The following SFTPC variants were observed in gnomAD, a reference collection of about 807,000 sequenced individuals.
The protein encoded by SFTPC is surfactant protein C, also known as BRICHOS domain containing 6.
Under a neutral mutation model 19.9 loss-of-function variants are expected in SFTPC, and 12 were observed. The ratio of observed to expected loss-of-function variants is 0.60; its 90% confidence interval spans 0.39 to 0.98. SFTPC has a LOEUF of 0.98. Ranked by LOEUF, SFTPC falls within the 50% of genes least tolerant of loss-of-function variation. SFTPC has a pLI of 0.00. For synonymous variants in SFTPC, 123 were observed against 103.3 expected (o/e 1.19, Z -1.16); for missense variants, 219 against 252.2 (o/e 0.87, Z 0.89).
upstream of SFTPC, chr8:22,159,676 G>A: frequency 2.5e-6 from 2 of 788,790 alleles, no homozygotes; most frequent in South Asian, 2.8e-5. Context: ...CTTTTTCAAA[G>A]AAAGAGATCC....
At chr8:22,164,095 G>T in intron 5 of SFTPC, 36 bp downstream of exon 5, 1 of 1,610,746 alleles carries the variant, frequency 6.2e-7, no homozygotes, top group Non-Finnish European at 8.5e-7. Context: ...CAGCGGAGGA[G>T]CGCTCGGGCC....
At position 22,164,074 on chromosome 8, in the gene SFTPC, C is replaced by T; in HGVS notation, c.*18+15C>T. ...CCGGTGAGCAGGTGTGATCCCAGGG[C>T]CCCTGATCAGCAGCGGAGGAGCGCT... is the stretch of plus-strand genomic sequence containing the variant. On this transcript the variant is annotated intron_variant, in intron 5 of 5. Coordinates refer to ENST00000679463, the MANE Select transcript of SFTPC (RefSeq NM_001317778.2). 6.2e-7 allele frequency: 1 copy of T among 1,611,526 alleles called. No homozygotes were observed.
chr8:22,159,716 C>G, upstream of SFTPC: 1 of 1,199,800 alleles, frequency 8.3e-7, no homozygotes, highest in Non-Finnish European at 1.1e-6. Context: ...TGGCGGCAAA[C>G]CCCACCCACA....
At chr8:22,161,696 C>T, upstream of SFTPC, 1 of 1,607,584 alleles carries the variant, frequency 6.2e-7, no homozygotes, top group Non-Finnish European at 8.5e-7. Context: ...AACAAACAGG[C>T]TTCAAAGCCA....
At position 22,162,487 on chromosome 8, in the gene SFTPC, C is replaced by T. The variant is rs8192326; in HGVS notation, c.43-87C>T. ...CATCGGCTGTCCAGCCCTAGGCAGCCGTGGGAGGGTGTTCAGCTTGTATAG... is the reference window on the plus strand; with the variant it reads ...CATCGGCTGTCCAGCCCTAGGCAGCTGTGGGAGGGTGTTCAGCTTGTATAG... On this transcript the variant is annotated intron_variant, in intron 1 of 5. Transcript: ENST00000679463. 3.6e-3 allele frequency: 5,246 copies of T among 1,473,346 alleles called. 138 individuals are homozygous for T. In the African/African-American group the frequency reaches 0.063, roughly 18 times the overall value. The allele number at this position is 1,473,346 out of a possible 1,614,324, so 91.3% of individuals were successfully genotyped here.
intron 1 of SFTPC, 49 bp downstream of exon 1, chr8:22,161,919 G>A: frequency 6.4e-7 from 1 of 1,566,440 alleles, no homozygotes; most frequent in South Asian, 1.1e-5. Flanking sequence ...GCACATGTGT[G>A]TGATGGGCCC....
chr8:22,163,007 C>T (rs1827819983), intron 2 of SFTPC, 73 bp from the exon 3 acceptor site: 1 of 1,600,328 alleles, frequency 6.2e-7, no homozygotes, highest in Non-Finnish European at 8.5e-7. Flanking sequence ...GTACAGAGGC[C>T]TGAGTATGGG....
chr8:22,161,615 T>A, upstream of SFTPC: 1 of 1,479,290 alleles, frequency 6.8e-7, no homozygotes, highest in South Asian at 1.3e-5. Context: ...AGAGGACTCA[T>A]GTGCCAGGGC....
chr8:22,161,286 T>G (rs1827707011), upstream of SFTPC, among the ~76,000 whole-genome samples: 1 of 151,992 alleles, frequency 6.6e-6, no homozygotes, highest in Non-Finnish European at 1.5e-5. Context: ...AAATGCACAT[T>G]TATGAAACCC....
rs1275632800 is a variant in SFTPC at position 22,164,404 on chromosome 8, G to A, written c.*157G>A. The A allele has an allele frequency of 5.2e-6, 8 of 1,527,730 alleles. No homozygotes were observed. The highest frequency in any genetic ancestry group is 1.4e-5 in the African/African-American group (1 of 72,490). 94.6% of individuals were successfully genotyped at this position (1,527,730 alleles called of 1,614,324 possible). Reference sequence around the variant, plus strand: ...AAATGGGAGCTTGGGGAGAGGATGGGAGTGGGCAGAGGTGGCGCCCAGGGG... The same window carrying A: ...AAATGGGAGCTTGGGGAGAGGATGGAAGTGGGCAGAGGTGGCGCCCAGGGG... On this transcript the variant is annotated 3_prime_UTR_variant, in exon 6 of 6. Transcript: ENST00000679463.
chr8:22,162,989 G>T (rs138547826), intron 2 of SFTPC, 91 bp from the exon 3 acceptor site: 3 of 1,561,752 alleles, frequency 1.9e-6, no homozygotes, highest in Non-Finnish European at 2.6e-6. Flanking sequence ...AGAGGGAAGC[G>T]CATTTGAGTA....
intron 4 of SFTPC, 48 bp from the exon 5 acceptor site, chr8:22,163,853 T>A (rs759555760): frequency 9.8e-6 from 15 of 1,526,212 alleles, no homozygotes; most frequent in Admixed American, 5.0e-5. Flanking sequence ...GGGCTGCACA[T>A]GGGATAGAAA....
upstream of SFTPC, chr8:22,158,770 C>G (rs542383976): frequency 1.3e-5 from 2 of 152,318 alleles, no homozygotes; most frequent in South Asian, 4.1e-4. Flanking sequence ...CAGAGCTGGC[C>G]AGTGGAAGCA....
At chr8:22,161,993 C>T in intron 1 of SFTPC, 123 bp downstream of exon 1, 1 of 1,030,190 alleles carries the variant, frequency 9.7e-7, no homozygotes, top group Non-Finnish European at 1.5e-6. Flanking sequence ...TAACCTAGGA[C>T]TGTGATAAGT....
At position 22,162,593 on chromosome 8, in the gene SFTPC, G is replaced by A. The variant is rs371321234; in HGVS notation, c.62G>A (p.Arg21Gln). ...ESPPDYSAAPRGRFGIPCCPV... is the reference protein window; with the variant it reads ...ESPPDYSAAPQGRFGIPCCPV... ...TGTCAGGACTACTCCGCAGCTCCCC[G>A]GGGCCGATTTGGCATTCCCTGCTGC... The change falls in exon 2 of 6, where the codon CGG (arginine) becomes CAG (glutamine). Residue 21 changes from arginine to glutamine, a missense_variant. By Grantham distance (43) the Arg-to-Gln change is conservative. Coordinates refer to ENST00000679463, the MANE Select transcript of SFTPC (RefSeq NM_001317778.2). 3.5e-5 allele frequency: 56 copies of A among 1,613,852 alleles called. No individual in the cohort carries two copies. The highest frequency in any genetic ancestry group is 5.5e-5 in the South Asian group (5 of 91,070).
At chr8:22,159,847 C>T (rs1827643405), upstream of SFTPC, 2 of 1,289,296 alleles carry the variant, frequency 1.6e-6, no homozygotes, top group Non-Finnish European at 2.0e-6. Context: ...TGGCTCAGGC[C>T]CAGTACTCGT....
upstream of SFTPC, chr8:22,159,129 G>A (rs1231525405): frequency 6.6e-6 from 1 of 152,434 alleles, no homozygotes; most frequent in Non-Finnish European, 1.5e-5. Flanking sequence ...TCAGAGAGGT[G>A]GAAGGTCAGA....
At chr8:22,162,402 A>G (rs185568136) in intron 1 of SFTPC, among the ~76,000 whole-genome samples, 172 bp from the exon 2 acceptor site, 4 of 152,306 alleles carry the variant, frequency 2.6e-5, no homozygotes, top group Admixed American at 2.6e-4. Flanking sequence ...GTTAGAATCC[A>G]GGCCACCTCC....
At chr8:22,162,446 C>G in intron 1 of SFTPC, 128 bp from the exon 2 acceptor site, 3 of 1,032,838 alleles carry the variant, frequency 2.9e-6, no homozygotes, top group Non-Finnish European at 4.5e-6. Context: ...CTCAGCCCTT[C>G]CCTGTCCATC....
Sources: allele counts gnomAD v4.1 joint callset (sites outside exome capture counted in the v4.1 genomes callset), GRCh38; gene constraint gnomAD v4.1.1; transcripts MANE v1.5; gene names NCBI Gene and HGNC (gene_info 2026-07-23, HGNC 2026-07-21).